Variants in FNDC3B observed in about 807,000 individuals in gnomAD.
FNDC3B encodes the protein fibronectin type III domain-containing protein 3B.
In FNDC3B, 12 loss-of-function variants were observed where a neutral mutation model predicts 151.5. The ratio of observed to expected loss-of-function variants is 0.08; its 90% confidence interval spans 0.05 to 0.13. The LOEUF is 0.13. Among genes scored for constraint, FNDC3B ranks in the 10% least tolerant of loss-of-function variants. FNDC3B has a pLI of 1.00. For missense variants in FNDC3B, 1,214 were observed against 1,505.3 expected (o/e 0.81, Z 3.20); for synonymous variants, 528 against 549.0 (o/e 0.96, Z 0.54).
intron 13 of FNDC3B, among the ~76,000 whole-genome samples, chr3:172,332,059 C>T (rs1224810731): frequency 6.6e-6 from 1 of 152,132 alleles, no homozygotes; most frequent in East Asian, 1.9e-4. Context: ...CAACCTCTGC[C>T]TCCCAGGTTC....
At chr3:172,252,469 CTGATTATAACACTCAT>C (rs1364938400) in intron 6 of FNDC3B, among the ~76,000 whole-genome samples, 3 of 151,306 alleles carry the variant, frequency 2.0e-5, no homozygotes, top group Non-Finnish European at 2.9e-5. Context: ...AGTAAGGAAT[CTGATTATAACACTCAT>C]TGATTATAAC....
chr3:172,242,137 G>C (rs780711877), intron 4 of FNDC3B, among the ~76,000 whole-genome samples: 3 of 152,238 alleles, frequency 2.0e-5, no homozygotes, highest in Non-Finnish European at 4.4e-5. Context: ...ACTGAGGCAA[G>C]AGGTGGGTTC....
intron 1 of FNDC3B, among the ~76,000 whole-genome samples, chr3:172,043,625 G>C (rs1309024409): frequency 6.6e-6 from 1 of 152,144 alleles, no homozygotes; most frequent in Non-Finnish European, 1.5e-5. Flanking sequence ...GATATCAGAA[G>C]TTACATTCAG....
intron 3 of FNDC3B, among the ~76,000 whole-genome samples, chr3:172,224,757 T>G (rs1726465681): frequency 1.3e-5 from 2 of 152,324 alleles, no homozygotes; most frequent in East Asian, 3.9e-4. Context: ...GCTGAGCAAT[T>G]TTCATTGCCG....
chr3:172,294,424 G>A (rs879589666), intron 7 of FNDC3B, among the ~76,000 whole-genome samples: 11 of 152,172 alleles, frequency 7.2e-5, no homozygotes, highest in African/African-American at 2.2e-4. Context: ...TACGTTGCCC[G>A]AGAAGGAGGA....
intron 3 of FNDC3B, among the ~76,000 whole-genome samples, chr3:172,163,887 C>T (rs1485941547): frequency 6.6e-6 from 1 of 152,254 alleles, no homozygotes; most frequent in Non-Finnish European, 1.5e-5. Context: ...TTTTCTCCCA[C>T]AGCATTACCA....
intron 11 of FNDC3B, chr3:172,316,392 G>C (rs1039036703): frequency 4.4e-6 from 2 of 454,902 alleles, no homozygotes; most frequent in African/African-American, 4.0e-5. Context: ...GATATAGAGG[G>C]CTCTAGGTTA....
At chr3:172,262,877 A>G (rs924963840) in intron 6 of FNDC3B, among the ~76,000 whole-genome samples, 6 of 122,778 alleles carry the variant, frequency 4.9e-5, no homozygotes, top group African/African-American at 1.5e-4. Flanking sequence ...CGCCTAGATG[A>G]CAGAGTGAGA....
At chr3:172,234,939 A>G (rs1472046891) in intron 4 of FNDC3B, among the ~76,000 whole-genome samples, 2 of 152,216 alleles carry the variant, frequency 1.3e-5, no homozygotes, top group Non-Finnish European at 2.9e-5. Context: ...ATTATATAAT[A>G]TGGTTATTTT....
chr3:172,131,874 G>A (rs1235319078), intron 2 of FNDC3B, among the ~76,000 whole-genome samples: 1 of 148,734 alleles, frequency 6.7e-6, no homozygotes, highest in Non-Finnish European at 1.5e-5. Flanking sequence ...ATTTGCAATA[G>A]TTTTTTTTTT....
chr3:172,075,470 T>TA (rs1717960146), intron 1 of FNDC3B, among the ~76,000 whole-genome samples: 1 of 152,078 alleles, frequency 6.6e-6, no homozygotes, highest in Non-Finnish European at 1.5e-5. Context: ...GATATAGAAA[T>TA]ATCCCCTACA....
intron 3 of FNDC3B, among the ~76,000 whole-genome samples, chr3:172,217,730 G>A (rs1168380728): frequency 6.6e-6 from 1 of 152,032 alleles, no homozygotes; most frequent in Non-Finnish European, 1.5e-5. Context: ...ATGAAATTGA[G>A]GAAAATTGGG....
At chr3:172,097,947 C>T (rs1300370266) in intron 1 of FNDC3B, among the ~76,000 whole-genome samples, 1 of 151,922 alleles carries the variant, frequency 6.6e-6, no homozygotes, top group Non-Finnish European at 1.5e-5. Flanking sequence ...GTAGAACTGG[C>T]AGGGGCATTG....
intron 4 of FNDC3B, among the ~76,000 whole-genome samples, chr3:172,228,752 A>G (rs142877377): frequency 1.4e-3 from 218 of 152,340 alleles, no homozygotes; most frequent in African/African-American, 4.7e-3. Flanking sequence ...AAAAAGGGAA[A>G]GAAGCAGTCT....
chr3:172,353,162 A>G, intron 22 of FNDC3B, 79 bp downstream of exon 22: 1 of 1,345,632 alleles, frequency 7.4e-7, no homozygotes. Context: ...GAAAATGACC[A>G]AGTGGATGTC....
intron 1 of FNDC3B, among the ~76,000 whole-genome samples, chr3:172,070,694 A>T (rs1717731655): frequency 6.6e-6 from 1 of 152,220 alleles, no homozygotes; most frequent in African/African-American, 2.4e-5. Flanking sequence ...TTTATGAAAA[A>T]AATTTGAACA....
intron 3 of FNDC3B, among the ~76,000 whole-genome samples, chr3:172,224,680 C>A (rs73025501): frequency 0.083 from 12,686 of 152,194 alleles, 821 homozygotes; most frequent in African/African-American, 0.18. Flanking sequence ...CGTTTAAATG[C>A]AGCACTGGAT....
In FNDC3B at chr3:172,112,441, T is replaced by G. The variant is rs1218578067; in HGVS notation, c.-28-11T>G. The G allele has an allele frequency of 6.9e-7, 1 of 1,441,110 alleles. No individual in the cohort carries two copies. Among genetic ancestry groups the G allele is most frequent in the Non-Finnish European group, 9.8e-7 (1 of 1,022,168 alleles). 89.3% of individuals were successfully genotyped at this position (1,441,110 alleles called of 1,614,324 possible). On this transcript the variant is annotated splice_polypyrimidine_tract_variant and intron_variant, in intron 1 of 25. Coordinates refer to ENST00000415807, the MANE Select transcript of FNDC3B (RefSeq NM_022763.4). Reference sequence around the variant, plus strand: ...CTGAGTCCTTTTTAAAAAGCGGCGGTTCTCTTGCAGGAAGCCAGTTGAGGG... The same window carrying G: ...CTGAGTCCTTTTTAAAAAGCGGCGGGTCTCTTGCAGGAAGCCAGTTGAGGG...
intron 2 of FNDC3B, among the ~76,000 whole-genome samples, chr3:172,125,182 C>G (rs1376875178): frequency 6.6e-6 from 1 of 152,190 alleles, no homozygotes; most frequent in Non-Finnish European, 1.5e-5. Flanking sequence ...CTTACATGAT[C>G]TCCACATTAA....
Sources: gnomAD v4.1 joint callset for allele counts (sites outside exome capture counted in the v4.1 genomes callset) on GRCh38, gnomAD v4.1.1 for gene constraint, MANE v1.5 for transcripts, NCBI Gene and HGNC (gene_info 2026-07-23, HGNC 2026-07-21) for gene names.